CNTLN: variants seen among roughly 807,000 people sequenced by gnomAD.
CNTLN encodes the protein centlein, centrosomal protein.
CNTLN carries 212 observed loss-of-function variants against 180.0 expected under a neutral mutation model. The observed-to-expected ratio is 1.18, with a 90% CI of 1.05 to 1.32. The LOEUF (loss-of-function observed/expected upper bound fraction) is 1.32. CNTLN is among the 40% of genes most tolerant of loss of function. The pLI, the probability that CNTLN is intolerant of heterozygous loss-of-function variation, is 0.00. For missense variants in CNTLN, 2,095 were observed against 1,610.9 expected (o/e 1.30, Z -5.14); for synonymous variants, 722 against 563.1 (o/e 1.28, Z -3.99).
intron 2 of CNTLN, among the ~76,000 whole-genome samples, chr9:17,182,039 T>A (rs77230115): frequency 0.013 from 2,001 of 152,264 alleles, 47 homozygotes; most frequent in African/African-American, 0.046. Flanking sequence ...GCTCTCCACT[T>A]GTCCTTCTCT....
chr9:17,136,047 C>G (rs1817694422), intron 1 of CNTLN, among the ~76,000 whole-genome samples: 4 of 152,248 alleles, frequency 2.6e-5, no homozygotes, highest in Admixed American at 1.3e-4. Flanking sequence ...GTGATCTTGC[C>G]AGTGAAAAAC....
chr9:17,507,050 A>G (rs1342813526), downstream of CNTLN, among the ~76,000 whole-genome samples: 1 of 152,098 alleles, frequency 6.6e-6, no homozygotes, highest in Non-Finnish European at 1.5e-5. Context: ...AAATGAATAC[A>G]TTGCATGATT....
At chr9:17,387,270 A>G (rs1825752434) in intron 13 of CNTLN, among the ~76,000 whole-genome samples, 1 of 152,150 alleles carries the variant, frequency 6.6e-6, no homozygotes, top group Non-Finnish European at 1.5e-5. Context: ...TTTAAAGCAA[A>G]ATAATCTCAG....
the CNTLN span, among the ~76,000 whole-genome samples, chr9:17,522,446 T>C: frequency 6.6e-6 from 1 of 152,240 alleles, no homozygotes. Flanking sequence ...TTTACTGCTA[T>C]GCCATCCTGA....
Position 17,213,076 on chromosome 9 carries a change from C to G in CNTLN, c.450-13127C>G, listed in dbSNP as rs189862123. Among the ~76,000 whole-genome samples the G allele has an allele frequency of 1.3e-3, 205 of 152,052 alleles. 2 individuals are homozygous for G. The highest frequency in any genetic ancestry group is 4.8e-3 in the African/African-American group (199 of 41,488). ...CTCCTTCAGTTCTGCTCTGATCTTA[C>G]TTATTTCTCGCCTTCTGCTAGCTTT... On this transcript the variant is annotated intron_variant, in intron 2 of 25. Transcript: ENST00000380647.
chr9:17,467,132 A>G (rs1182139433), intron 23 of CNTLN, among the ~76,000 whole-genome samples: 4 of 151,522 alleles, frequency 2.6e-5, no homozygotes, highest in African/African-American at 9.7e-5. Flanking sequence ...TTAGTTATGA[A>G]ATTGTAGTAG....
intron 19 of CNTLN, among the ~76,000 whole-genome samples, chr9:17,462,523 A>T (rs1056370564): frequency 6.6e-6 from 1 of 151,786 alleles, no homozygotes; most frequent in South Asian, 2.1e-4. Flanking sequence ...ATGAGCAGCA[A>T]AGCATTTGTG....
the CNTLN span, among the ~76,000 whole-genome samples, chr9:17,524,541 A>T: frequency 6.6e-6 from 1 of 152,234 alleles, no homozygotes; most frequent in African/African-American, 2.4e-5. Flanking sequence ...TCATAGACAC[A>T]CCCAGAATAA....
At chr9:17,383,839 C>T (rs891736558) in intron 13 of CNTLN, among the ~76,000 whole-genome samples, 20 of 152,044 alleles carry the variant, frequency 1.3e-4, no homozygotes, top group Non-Finnish European at 2.5e-4. Context: ...GGGGTTTCAC[C>T]GTGTTAGCCA....
intron 1 of CNTLN, among the ~76,000 whole-genome samples, chr9:17,138,459 A>T (rs1817868017): frequency 6.6e-6 from 1 of 152,174 alleles, no homozygotes; most frequent in Non-Finnish European, 1.5e-5. Context: ...GCGATGTTGG[A>T]ATTGTATGTG....
chr9:17,324,878 C>T (rs947112735), intron 8 of CNTLN, among the ~76,000 whole-genome samples: 5 of 151,796 alleles, frequency 3.3e-5, no homozygotes, highest in African/African-American at 9.7e-5. Context: ...GTGTTATAAG[C>T]GGAGATGGTG....
At chr9:17,469,407 T>C (rs1008653777) in intron 23 of CNTLN, among the ~76,000 whole-genome samples, 4 of 151,702 alleles carry the variant, frequency 2.6e-5, no homozygotes, top group Admixed American at 1.3e-4. Context: ...CACCAGCAAA[T>C]TAATAGCCAA....
chr9:17,390,722 A>G (rs1312118028), intron 14 of CNTLN, among the ~76,000 whole-genome samples: 1 of 152,200 alleles, frequency 6.6e-6, no homozygotes, highest in East Asian at 1.9e-4. Context: ...CAGTTTAACA[A>G]TTTTTGAGAG....
intron 5 of CNTLN, among the ~76,000 whole-genome samples, chr9:17,242,135 C>G (rs1231600678): frequency 1.3e-5 from 2 of 152,126 alleles, no homozygotes; most frequent in Non-Finnish European, 2.9e-5. Context: ...TAGCATCAAG[C>G]TTTCAGCTTT....
intron 15 of CNTLN, among the ~76,000 whole-genome samples, chr9:17,404,264 A>G (rs998770043): frequency 2.0e-5 from 3 of 151,754 alleles, no homozygotes; most frequent in Admixed American, 6.6e-5. Flanking sequence ...CTGAGAGTTT[A>G]TTATTTTATC....
rs774754247 is a variant in CNTLN at position 17,484,424 on chromosome 9, A to G, written c.3985A>G (p.Ile1329Val). 1.0e-4 allele frequency: 162 copies of G among 1,608,744 alleles called. No individual in the cohort carries two copies. The highest frequency in any genetic ancestry group is 2.9e-4 in the Admixed American group (17 of 58,246). ...THKAQTLAASILNISRSDLEE... is the reference protein window; with the variant it reads ...THKAQTLAASVLNISRSDLEE... Reference sequence around the variant, plus strand: ...TAAAGCCCAGACCTTGGCAGCTTCTATCCTGAACATTTCACGGTCAGATTT... The same window carrying G: ...TAAAGCCCAGACCTTGGCAGCTTCTGTCCTGAACATTTCACGGTCAGATTT... Residue 1329 changes from isoleucine (I) to valine (V), a missense_variant, in exon 24 of 26, where the codon ATC becomes GTC. By Grantham distance (29) the Ile-to-Val change is conservative (BLOSUM62 3). Coordinates refer to ENST00000380647, the MANE Select transcript of CNTLN (RefSeq NM_017738.4).
intron 23 of CNTLN, among the ~76,000 whole-genome samples, chr9:17,471,705 AG>A (rs1832049576): frequency 6.6e-6 from 1 of 152,096 alleles, no homozygotes; most frequent in Non-Finnish European, 1.5e-5. Flanking sequence ...GATAATTTAC[AG>A]GGTTTTTCAA....
intron 8 of CNTLN, among the ~76,000 whole-genome samples, chr9:17,328,172 T>A (rs1233606384): frequency 1.3e-5 from 2 of 152,204 alleles, no homozygotes; most frequent in East Asian, 3.8e-4. Flanking sequence ...TTATCATAGA[T>A]ATCTTTCCAT....
At chr9:17,350,985 C>G (rs10124513) in intron 12 of CNTLN, among the ~76,000 whole-genome samples, 90,979 of 152,020 alleles carry the variant, frequency 0.6, 27,472 homozygotes, top group East Asian at 0.73. Context: ...ATTTGTTAAG[C>G]ATAATTAAAT....
Sources: allele counts gnomAD v4.1 joint callset (sites outside exome capture counted in the v4.1 genomes callset), GRCh38; gene constraint gnomAD v4.1.1; transcripts MANE v1.5; gene names NCBI Gene and HGNC (gene_info 2026-07-23, HGNC 2026-07-21).